The following RELCH variants were observed in gnomAD, a reference collection of about 807,000 sequenced individuals.
RELCH encodes RAB11 binding and LisH domain, coiled-coil and HEAT repeat containing.
RELCH carries 41 observed loss-of-function variants against 150.3 expected under a neutral mutation model. That is an observed-to-expected ratio of 0.27 (90% CI 0.21 to 0.35). The LOEUF (loss-of-function observed/expected upper bound fraction) is 0.35. Among genes scored for constraint, RELCH ranks in the 10% least tolerant of loss-of-function variants. The probability of loss-of-function intolerance (pLI) is 1.00; values close to 1 mark genes in which losing one functional copy is unlikely to be tolerated. For missense variants in RELCH, 1,092 were observed against 1,467.8 expected (o/e 0.74, Z 4.18); for synonymous variants, 478 against 531.8 (o/e 0.90, Z 1.39).
chr18:62,216,282 A>C (rs1190486762), intron 2 of RELCH, among the ~76,000 whole-genome samples: 1 of 152,120 alleles, frequency 6.6e-6, no homozygotes, highest in African/African-American at 2.4e-5. Flanking sequence ...TTTGTCTGAA[A>C]TATGTCTATA....
At chr18:62,290,138 CTG>C (rs1373135384) in intron 26 of RELCH, among the ~76,000 whole-genome samples, 2 of 152,162 alleles carry the variant, frequency 1.3e-5, no homozygotes, top group Admixed American at 6.5e-5. Flanking sequence ...TTATTTATAA[CTG>C]TATTTTCAAA....
chr18:62,200,072 A>T (rs17069563), intron 1 of RELCH, among the ~76,000 whole-genome samples: 1,700 of 152,314 alleles, frequency 0.011, 34 homozygotes, highest in African/African-American at 0.039. Flanking sequence ...TAGCTTGTCA[A>T]TAAAGTTTCA....
chr18:62,210,198 T>G (rs1332683052), intron 1 of RELCH, among the ~76,000 whole-genome samples: 3 of 152,180 alleles, frequency 2.0e-5, no homozygotes, highest in African/African-American at 7.2e-5. Context: ...TCTAAATTTT[T>G]GGTTTTTCGC....
chr18:62,245,049 C>T (rs1805719124), intron 11 of RELCH, among the ~76,000 whole-genome samples, 173 bp downstream of exon 11: 1 of 152,098 alleles, frequency 6.6e-6, no homozygotes, highest in South Asian at 2.1e-4. Flanking sequence ...GTTTCAAAAC[C>T]TACGAAAATG....
intron 27 of RELCH, among the ~76,000 whole-genome samples, chr18:62,293,878 G>T (rs982839922): frequency 1.3e-5 from 2 of 151,526 alleles, no homozygotes. Flanking sequence ...TTCATACTTT[G>T]TTTTTCTTAT....
chr18:62,263,950 C>T (rs2043409732), intron 16 of RELCH, 39 bp from the exon 17 acceptor site: 7 of 1,567,540 alleles, frequency 4.5e-6, no homozygotes, highest in Admixed American at 1.9e-5. Flanking sequence ...CCCAAAATGC[C>T]AATTTCCATA....
rs371003639 is a variant in RELCH, at chr18:62,252,699, G to A, written c.1769G>A (p.Arg590His). The A allele has an allele frequency of 9.8e-5, 158 of 1,613,952 alleles. 1 individual carries two copies. The highest frequency in any genetic ancestry group is 2.2e-4 in the Admixed American group (13 of 60,016). Residue 590 changes from arginine (R) to histidine (H), a missense_variant, in exon 12 of 29, where the codon CGT becomes CAT. This residue lies in a region of RELCH where 707 missense variants were observed against 1,025.4 expected (regional missense o/e 0.69). Coordinates refer to ENST00000644646, the MANE Select transcript of RELCH (RefSeq NM_001346231.2). ...CTGACAGGTTGTGTGGCATTTGCGC[G>A]TCATGTTGGACCAACACGTGTAGAA... The part of the protein sequence containing the change: ...MILTGCVAFA[R>H]HVGPTRVEAE...
Position 62,305,660 on chromosome 18 carries a change from C to G in RELCH, c.*126C>G. 1.0e-6 allele frequency: 1 copy of G among 994,598 alleles called. No individual in the cohort carries two copies. The highest frequency in any genetic ancestry group is 1.4e-6 in the Non-Finnish European group (1 of 698,762). The allele number at this position is 994,598 out of a possible 1,614,324, so 61.6% of individuals were successfully genotyped here. On this transcript the variant is annotated 3_prime_UTR_variant, in exon 29 of 29. Transcript: ENST00000644646. The surrounding 1 kb of genome is among the most constrained non-coding windows in gnomAD (Gnocchi z 4.0). Reference sequence around the variant, plus strand: ...TCTTGCATTATAATTTTATCCTAACCTCCAAAGATATTTGCACTGCTTTTA... The same window carrying G: ...TCTTGCATTATAATTTTATCCTAACGTCCAAAGATATTTGCACTGCTTTTA...
intron 10 of RELCH, 105 bp downstream of exon 10, chr18:62,232,532 C>G: frequency 1.5e-6 from 1 of 682,042 alleles, no homozygotes; most frequent in Non-Finnish European, 2.6e-6. Context: ...AAGTCTATTA[C>G]TTGCAATCAT....
chr18:62,206,887 G>T (rs1279831205), intron 1 of RELCH, among the ~76,000 whole-genome samples: 1 of 122,348 alleles, frequency 8.2e-6, no homozygotes, highest in Non-Finnish European at 1.7e-5. Flanking sequence ...CAATACACTT[G>T]TTTGTTCTTT....
At chr18:62,270,685 T>A (rs1411393485) in intron 20 of RELCH, among the ~76,000 whole-genome samples, 3 of 152,158 alleles carry the variant, frequency 2.0e-5, no homozygotes, top group Non-Finnish European at 4.4e-5. Flanking sequence ...AGGGTACATG[T>A]GCACAACGTT....
At chr18:62,299,000 T>C in intron 28 of RELCH, 140 bp downstream of exon 28, 4 of 575,852 alleles carry the variant, frequency 6.9e-6, no homozygotes, top group Non-Finnish European at 1.2e-5. Flanking sequence ...TTTAAGTCAT[T>C]GGTTCTCAAA....
intron 2 of RELCH, among the ~76,000 whole-genome samples, chr18:62,218,565 T>C (rs1034872357): frequency 6.6e-6 from 1 of 151,992 alleles, no homozygotes; most frequent in Non-Finnish European, 1.5e-5. Flanking sequence ...GTGCCTCTAA[T>C]ATACTACAGT....
intron 1 of RELCH, among the ~76,000 whole-genome samples, chr18:62,198,605 C>T (rs902078263): frequency 6.6e-6 from 1 of 152,144 alleles, no homozygotes; most frequent in Non-Finnish European, 1.5e-5. Flanking sequence ...TTAGTTTAGG[C>T]TTTAGCTCAC....
intron 11 of RELCH, 144 bp downstream of exon 11, chr18:62,245,020 A>T (rs1266536929): frequency 3.4e-6 from 2 of 595,110 alleles, no homozygotes; most frequent in African/African-American, 3.7e-5. Context: ...TTCCCCCATC[A>T]TGGATTCACT....
chr18:62,258,198 A>G (rs2144650930), intron 14 of RELCH, 110 bp downstream of exon 14: 4 of 1,066,870 alleles, frequency 3.7e-6, no homozygotes, highest in Non-Finnish European at 4.0e-6. Flanking sequence ...GATGGCAGGT[A>G]TGTCAACTTT....
Position 62,262,890 on chromosome 18 carries a change from G to GCC in RELCH, c.2351-1099_2351-1098insCC, listed in dbSNP as rs35447576. 2.0e-5 allele frequency among the ~76,000 whole-genome samples: 3 copies of GCC among 151,560 alleles called. No homozygotes were observed. The South Asian group carries it at 6.2e-4, about 31-fold the overall frequency. ...CTGAGATCAAGGTGTTGGCAGGGTA[G>GCC]TCTTAGGGAAACTGCGAGGTAAAGG... On this transcript the variant is annotated intron_variant, in intron 16 of 28. Transcript: ENST00000644646.
At chr18:62,244,956 T>TTA in intron 11 of RELCH, 80 bp downstream of exon 11, 1 of 930,156 alleles carries the variant, frequency 1.1e-6, no homozygotes, top group Non-Finnish European at 1.7e-6. Context: ...GATTAGCATT[T>TTA]GAATCTAAAA....
intron 1 of RELCH, among the ~76,000 whole-genome samples, chr18:62,202,676 T>G (rs1405636190): frequency 6.6e-6 from 1 of 152,150 alleles, no homozygotes; most frequent in Non-Finnish European, 1.5e-5. Flanking sequence ...TTTAAAACTT[T>G]TAGAGAAATA....
Sources: gnomAD v4.1 joint callset for allele counts (sites outside exome capture counted in the v4.1 genomes callset) on GRCh38, gnomAD v4.1.1 for gene constraint, gnomAD v4.1.1 regional missense constraint, Gnocchi (gnomAD v3.1) non-coding constraint, MANE v1.5 for transcripts, NCBI Gene and HGNC (gene_info 2026-07-23, HGNC 2026-07-21) for gene names.